BLVRA: variants seen among roughly 807,000 people sequenced by gnomAD.
The protein encoded by BLVRA is BVR A.
BLVRA carries 22 observed loss-of-function variants against 32.8 expected under a neutral mutation model. The ratio of observed to expected loss-of-function variants is 0.67; its 90% confidence interval spans 0.48 to 0.96. The LOEUF is 0.96. Ranked by LOEUF, BLVRA falls within the 40% of genes least tolerant of loss-of-function variation. The pLI, the probability that BLVRA is intolerant of heterozygous loss-of-function variation, is 0.00. For missense variants in BLVRA, 323 were observed against 358.1 expected, an observed-to-expected ratio of 0.90 and a Z score of 0.79; for synonymous variants, 119 against 141.3, an observed-to-expected ratio of 0.84 and a Z score of 1.12.
intron 2 of BLVRA, 62 bp downstream of exon 2, chr7:43,771,232 T>A: frequency 6.4e-7 from 1 of 1,568,728 alleles, no homozygotes. Context: ...TCATTTCTCC[T>A]TTGCAGAGTC....
At chr7:43,801,182 A>G (rs2095798282) in intron 6 of BLVRA, among the ~76,000 whole-genome samples, 1 of 152,030 alleles carries the variant, frequency 6.6e-6, no homozygotes, top group Non-Finnish European at 1.5e-5. Flanking sequence ...AAATTTGTGT[A>G]AACAGTGTCT....
At chr7:43,803,597 G>GC in intron 6 of BLVRA, 79 bp from the exon 7 acceptor site, 69 of 1,016,644 alleles carry the variant, frequency 6.8e-5, no homozygotes, top group South Asian at 1.6e-4. Context: ...TCACACCCCC[G>GC]CCACCCCCAC....
At chr7:43,766,099 C>A (rs1050972859) in intron 1 of BLVRA, among the ~76,000 whole-genome samples, 1 of 152,056 alleles carries the variant, frequency 6.6e-6, no homozygotes, top group Non-Finnish European at 1.5e-5. Flanking sequence ...ACCAGCCTGG[C>A]CAACATGGCG....
upstream of BLVRA, among the ~76,000 whole-genome samples, chr7:43,758,206 G>A (rs988095467): frequency 1.3e-5 from 2 of 152,210 alleles, no homozygotes; most frequent in Admixed American, 1.3e-4. Flanking sequence ...ACATTTACAG[G>A]AAGGACTCAG....
intron 2 of BLVRA, among the ~76,000 whole-genome samples, chr7:43,786,561 C>G (rs891162104): frequency 2.7e-4 from 41 of 152,210 alleles, no homozygotes; most frequent in South Asian, 2.1e-4. Context: ...ACACTCCACC[C>G]AACAATAGCA....
intron 6 of BLVRA, among the ~76,000 whole-genome samples, chr7:43,801,091 C>A (rs2095798188): frequency 6.6e-6 from 1 of 152,088 alleles, no homozygotes; most frequent in South Asian, 2.1e-4. Context: ...CCTCAACCTC[C>A]CAGGCTCAAG....
At chr7:43,804,519 G>A (rs535350792) in intron 7 of BLVRA, among the ~76,000 whole-genome samples, 11 of 152,042 alleles carry the variant, frequency 7.2e-5, no homozygotes, top group Non-Finnish European at 1.3e-4. Context: ...GAAAGTTTTC[G>A]GGCATATTGT....
intron 2 of BLVRA, among the ~76,000 whole-genome samples, chr7:43,772,257 T>C (rs2095755405): frequency 6.6e-6 from 1 of 152,244 alleles, no homozygotes; most frequent in South Asian, 2.1e-4. Flanking sequence ...GGCAGCAAGA[T>C]GGCTGCAGTG....
At chr7:43,786,139 GAAAC>G (rs1461604722) in intron 2 of BLVRA, among the ~76,000 whole-genome samples, 1 of 152,092 alleles carries the variant, frequency 6.6e-6, no homozygotes, top group African/African-American at 2.4e-5. Flanking sequence ...CTGCCTATAA[GAAAC>G]TAACTATAGC....
chr7:43,771,599 C>A (rs1244954809), intron 2 of BLVRA, among the ~76,000 whole-genome samples: 1 of 152,250 alleles, frequency 6.6e-6, no homozygotes, highest in East Asian at 1.9e-4. Context: ...CAGCCCCTTC[C>A]TCTGTTCACT....
At position 43,800,475 on chromosome 7, in the gene BLVRA, G is replaced by A. The variant is rs139950774; in HGVS notation, c.363G>A (p.Leu121=). The A allele has an allele frequency of 1.2e-6, 2 of 1,614,050 alleles. No homozygotes were observed. Among genetic ancestry groups the A allele is most frequent in the Non-Finnish European group, 1.7e-6 (2 of 1,179,920 alleles). ...TTTTTGTCGTTACAGGAAAAGTCTT[G>A]CACGAGGAGCATGTTGAACTCTTGA... The part of the protein sequence containing the change: ...WELAEQKGKV[L]HEEHVELLME... Residue 121 remains leucine, a synonymous_variant, in exon 6 of 8, where the codon TTG becomes TTA. Transcript: ENST00000265523.
chr7:43,769,359 A>G (rs896938175), intron 1 of BLVRA, among the ~76,000 whole-genome samples: 2 of 152,086 alleles, frequency 1.3e-5, no homozygotes, highest in Admixed American at 1.3e-4. Flanking sequence ...ATAAAAAGAC[A>G]TCACACCTAT....
At chr7:43,805,193 T>A (rs2095802818) in intron 7 of BLVRA, among the ~76,000 whole-genome samples, 1 of 151,888 alleles carries the variant, frequency 6.6e-6, no homozygotes, top group Non-Finnish European at 1.5e-5. Context: ...ATGGTTCTGA[T>A]GGGAGGCGGT....
chr7:43,790,466 C>G (rs2095784419), intron 3 of BLVRA, among the ~76,000 whole-genome samples: 2 of 152,092 alleles, frequency 1.3e-5, no homozygotes, highest in Non-Finnish European at 1.5e-5. Context: ...GACACACACA[C>G]ACACAAACAT....
At chr7:43,771,704 C>T (rs539322327) in intron 2 of BLVRA, among the ~76,000 whole-genome samples, 4 of 152,254 alleles carry the variant, frequency 2.6e-5, no homozygotes, top group African/African-American at 9.6e-5. Context: ...TGTCCATCCA[C>T]ATGGCAAACA....
At chr7:43,774,615 A>G (rs1449201385) in intron 2 of BLVRA, among the ~76,000 whole-genome samples, 1 of 152,158 alleles carries the variant, frequency 6.6e-6, no homozygotes, top group Non-Finnish European at 1.5e-5. Flanking sequence ...TTGACTTGGC[A>G]ATGCGGGCTC....
rs752807029 is a variant in BLVRA at position 43,792,778 on chromosome 7, C to G, written c.318C>G (p.Ala106=). Residue 106 remains alanine, a synonymous_variant, in exon 5 of 8, where the codon GCC becomes GCG. Transcript: ENST00000265523. The part of the protein sequence containing the change: ...VEYPMTLSLA[A]AQELWELAEQ... ...ACCCCATGACACTGTCATTGGCGGC[C>G]GCTCAGGAACTGTGGGAGCTGGCTG... The G allele has an allele frequency of 6.2e-6, 10 of 1,614,170 alleles. No individual in the cohort carries two copies. The Admixed American group carries it at 1.7e-4, about 27-fold the overall frequency.
At chr7:43,759,421 T>G (rs1015487456) in intron 1 of BLVRA, among the ~76,000 whole-genome samples, 4 of 152,262 alleles carry the variant, frequency 2.6e-5, no homozygotes, top group African/African-American at 9.6e-5. Flanking sequence ...TGGATACTAA[T>G]TTTTTTCACT....
chr7:43,806,623 C>G (rs775709974), intron 7 of BLVRA, among the ~76,000 whole-genome samples: 15 of 152,084 alleles, frequency 9.9e-5, no homozygotes, highest in Non-Finnish European at 1.0e-4. Flanking sequence ...TGGCAGGCGC[C>G]TGTAATCCCA....
Sources: gnomAD v4.1 joint callset for allele counts (sites outside exome capture counted in the v4.1 genomes callset) on GRCh38, gnomAD v4.1.1 for gene constraint, MANE v1.5 for transcripts, NCBI Gene and HGNC (gene_info 2026-07-23, HGNC 2026-07-21) for gene names.